The following MEIS2 variants were observed in gnomAD, a reference collection of about 807,000 sequenced individuals.
MEIS2 encodes the protein Meis homeobox 2.
MEIS2 carries 9 observed loss-of-function variants against 58.6 expected under a neutral mutation model. The ratio of observed to expected loss-of-function variants is 0.15; its 90% CI spans 0.09 to 0.27. The LOEUF (loss-of-function observed/expected upper bound fraction) is 0.27, where lower values mean the gene tolerates loss of function less well. Ranked by LOEUF, MEIS2 falls within the 10% of genes least tolerant of loss-of-function variation. The pLI, the probability that MEIS2 is intolerant of heterozygous loss-of-function variation, is 1.00. For missense variants in MEIS2, 427 were observed against 635.0 expected, an observed-to-expected ratio of 0.67 and a Z score of 3.52; for synonymous variants, 221 against 228.4, an observed-to-expected ratio of 0.97 and a Z score of 0.29.
intron 8 of MEIS2, among the ~76,000 whole-genome samples, chr15:37,021,706 T>G: frequency 6.6e-6 from 1 of 152,230 alleles, no homozygotes; most frequent in East Asian, 1.9e-4. Context: ...AACATGGTTC[T>G]TTATTAAAAT....
intron 8 of MEIS2, among the ~76,000 whole-genome samples, chr15:36,973,107 C>T (rs2059623263): frequency 6.6e-6 from 1 of 152,178 alleles, no homozygotes; most frequent in African/African-American, 2.4e-5. Flanking sequence ...CTCTAAGCCT[C>T]AGTTTGCTCA....
At chr15:36,948,305 G>A (rs1376071) in intron 9 of MEIS2, among the ~76,000 whole-genome samples, 3 of 151,562 alleles carry the variant, frequency 2.0e-5, no homozygotes, top group Admixed American at 6.6e-5. Context: ...ACTGAACTCC[G>A]TGTATATGCC....
intron 9 of MEIS2, 160 bp from the exon 10 acceptor site, chr15:36,896,846 G>C: frequency 1.6e-6 from 1 of 636,376 alleles, no homozygotes; most frequent in African/African-American, 1.8e-5. Context: ...AAAAATAGTT[G>C]ACTGGGTAAT....
At chr15:37,040,021 G>A (rs1376159267) in intron 7 of MEIS2, among the ~76,000 whole-genome samples, 1 of 150,920 alleles carries the variant, frequency 6.6e-6, no homozygotes, top group African/African-American at 2.4e-5. Flanking sequence ...TGATGCTAGA[G>A]TTAGTAACTC....
At chr15:37,015,185 G>A (rs542561748) in intron 8 of MEIS2, among the ~76,000 whole-genome samples, 6 of 152,156 alleles carry the variant, frequency 3.9e-5, no homozygotes, top group Non-Finnish European at 7.4e-5. Flanking sequence ...AAGAAGTAAC[G>A]TGCAGCCCCA....
At chr15:36,977,577 A>G (rs1437949728) in intron 8 of MEIS2, among the ~76,000 whole-genome samples, 2 of 152,188 alleles carry the variant, frequency 1.3e-5, no homozygotes, top group African/African-American at 4.8e-5. Context: ...TAATTCCTGT[A>G]GTAAAGTATT....
chr15:36,904,725 C>G (rs921420729), intron 9 of MEIS2, among the ~76,000 whole-genome samples: 1 of 151,462 alleles, frequency 6.6e-6, no homozygotes, highest in Admixed American at 6.6e-5. Flanking sequence ...GCTGGGTAAA[C>G]GTCCAGAAAG....
intron 7 of MEIS2, among the ~76,000 whole-genome samples, chr15:37,069,104 T>C (rs1266991723): frequency 1.3e-5 from 2 of 152,202 alleles, no homozygotes; most frequent in Non-Finnish European, 2.9e-5. Flanking sequence ...TCATATTTTA[T>C]ACTGGCAGAA....
chr15:36,893,696 T>C (rs761161515), intron 11 of MEIS2, among the ~76,000 whole-genome samples: 2 of 152,194 alleles, frequency 1.3e-5, no homozygotes, highest in Non-Finnish European at 2.9e-5. Flanking sequence ...GCTGAGCAAA[T>C]GTTTTCTCTA....
intron 8 of MEIS2, among the ~76,000 whole-genome samples, chr15:36,988,057 G>A (rs1017942752): frequency 6.6e-6 from 1 of 152,056 alleles, no homozygotes; most frequent in African/African-American, 2.4e-5. Context: ...GATCTAATGA[G>A]GACTATAGTT....
chr15:36,948,030 A>G (rs1016690160), intron 9 of MEIS2, among the ~76,000 whole-genome samples: 7 of 151,932 alleles, frequency 4.6e-5, no homozygotes, highest in African/African-American at 1.7e-4. Context: ...TATTTGCTAT[A>G]CTATCCTCAT....
At chr15:37,000,032 A>G (rs1386987160) in intron 8 of MEIS2, among the ~76,000 whole-genome samples, 1 of 152,168 alleles carries the variant, frequency 6.6e-6, no homozygotes, top group Admixed American at 6.5e-5. Context: ...TACCCTTTTT[A>G]TCTTTGAGTT....
At chr15:37,041,748 C>T (rs117659221) in intron 7 of MEIS2, among the ~76,000 whole-genome samples, 1 of 152,128 alleles carries the variant, frequency 6.6e-6, no homozygotes, top group East Asian at 1.9e-4. Flanking sequence ...ATTCTAAATT[C>T]TAAGTTCTAG....
chr15:37,047,126 A>G (rs2062707726), intron 7 of MEIS2, among the ~76,000 whole-genome samples: 1 of 152,160 alleles, frequency 6.6e-6, no homozygotes, highest in Non-Finnish European at 1.5e-5. Flanking sequence ...AGTACATCAT[A>G]ATAAAGCTCT....
chr15:36,956,188 C>CAAA (rs372946912), intron 8 of MEIS2, among the ~76,000 whole-genome samples: 15 of 56,616 alleles, frequency 2.6e-4, no homozygotes, highest in Middle Eastern at 0.011. Flanking sequence ...AACTCCATCT[C>CAAA]AAAAAAAAAA....
intron 8 of MEIS2, among the ~76,000 whole-genome samples, chr15:37,034,668 A>G (rs1472411902): frequency 6.6e-6 from 1 of 152,186 alleles, no homozygotes; most frequent in Non-Finnish European, 1.5e-5. Context: ...AACTCACAAA[A>G]TACAGGTGGT....
Position 37,093,603 on chromosome 15 carries a change from G to A in MEIS2, c.617C>T (p.Ser206Phe), listed in dbSNP as rs770033702. ...SKSDHEELSG[S>F]STNLADHNPS... is the part of the protein sequence containing the mutation. ...TACATGGTCAGCGAGATTTGTGGAG[G>A]AGCCTGAAAGTTCTTCATGATCTGA... The change falls in exon 6 of 12, where the codon TCC (serine) becomes TTC (phenylalanine). Residue 206 changes from serine to phenylalanine, a missense_variant. Ser to Phe is a radical substitution (Grantham distance 155). Coordinates refer to ENST00000561208, the MANE Select transcript of MEIS2 (RefSeq NM_170675.5). 6.2e-7 allele frequency: 1 copy of A among 1,614,058 alleles called. No homozygotes were observed. Among genetic ancestry groups the A allele is most frequent in the African/African-American group, 1.3e-5 (1 of 74,938 alleles).
rs575475928 is a variant in MEIS2, at chr15:36,892,190, C to A, written c.1417G>T (p.Asp473Tyr). ...CCCTTATACTATTGGGCATGAATGT[C>A]CATAACCTGTCCGCCAACATTGGGA... ...VDPNVGGQVM[D>Y]IHAQ Residue 473 changes from aspartate to tyrosine, a missense_variant, in exon 12 of 12, where the codon GAC (aspartate) becomes TAC (tyrosine). Transcript: ENST00000561208. The A allele has an allele frequency of 6.2e-7, 1 of 1,614,154 alleles. No individual in the cohort carries two copies. The highest frequency in any genetic ancestry group is 2.2e-5 in the East Asian group (1 of 44,882).
chr15:37,091,225 C>A (rs557049521), intron 6 of MEIS2, among the ~76,000 whole-genome samples: 1 of 152,038 alleles, frequency 6.6e-6, no homozygotes, highest in Non-Finnish European at 1.5e-5. Context: ...AAGGGGGAAG[C>A]CTGGACATGA....
Sources: gnomAD v4.1 joint callset for allele counts (sites outside exome capture counted in the v4.1 genomes callset) on GRCh38, gnomAD v4.1.1 for gene constraint, MANE v1.5 for transcripts, NCBI Gene and HGNC (gene_info 2026-07-23, HGNC 2026-07-21) for gene names.